The following GRM5 variants were observed in gnomAD, a reference collection of about 807,000 sequenced individuals.
The protein encoded by GRM5 is glutamate metabotropic receptor 5, also known as metabotropic glutamate receptor 5.
In GRM5, 19 loss-of-function variants were observed where a neutral mutation model predicts 83.1. The ratio of observed to expected loss-of-function variants is 0.23; its 90% CI spans 0.16 to 0.34. GRM5 has a LOEUF of 0.34. Among genes scored for constraint, GRM5 ranks in the 10% least tolerant of loss-of-function variants. The probability of loss-of-function intolerance (pLI) is 1.00; values close to 1 mark genes in which losing one functional copy is unlikely to be tolerated. For synonymous variants in GRM5, 675 were observed against 633.6 expected, an observed-to-expected ratio of 1.07 and a Z score of -0.98; for missense variants, 1,160 against 1,588.3, an observed-to-expected ratio of 0.73 and a Z score of 4.58.
At chr11:88,877,907 A>G (rs1343798388) in intron 2 of GRM5, among the ~76,000 whole-genome samples, 1 of 152,092 alleles carries the variant, frequency 6.6e-6, no homozygotes, top group African/African-American at 2.4e-5. Context: ...CTAATGCTAG[A>G]TGACGAGTTA....
chr11:88,599,989 G>T (rs1937932021), intron 5 of GRM5, among the ~76,000 whole-genome samples: 1 of 152,154 alleles, frequency 6.6e-6, no homozygotes, highest in Non-Finnish European at 1.5e-5. Context: ...CTCCAGCCTG[G>T]GTGACAGAGT....
chr11:88,631,176 T>C (rs759314102), intron 4 of GRM5, among the ~76,000 whole-genome samples: 40 of 152,166 alleles, frequency 2.6e-4, no homozygotes, highest in African/African-American at 7.0e-4. Flanking sequence ...AGCCATAAAA[T>C]TGAAATTAAA....
chr11:88,524,534 A>G (rs1941815246), intron 9 of GRM5, among the ~76,000 whole-genome samples: 1 of 152,152 alleles, frequency 6.6e-6, no homozygotes, highest in African/African-American at 2.4e-5. Flanking sequence ...CCCTTTTCTT[A>G]AAACCAAATC....
intron 3 of GRM5, among the ~76,000 whole-genome samples, chr11:88,701,890 G>T (rs931502724): frequency 2.0e-5 from 3 of 152,164 alleles, no homozygotes; most frequent in Non-Finnish European, 4.4e-5. Flanking sequence ...CTTAACTCTT[G>T]TCTGGCATAC....
chr11:88,829,500 A>G (rs1452828434), intron 3 of GRM5, among the ~76,000 whole-genome samples: 1 of 152,186 alleles, frequency 6.6e-6, no homozygotes, highest in Non-Finnish European at 1.5e-5. Flanking sequence ...ATGCTGCTAC[A>G]AAAGAAAGAT....
chr11:88,996,567 C>G (rs1940192179), intron 2 of GRM5, among the ~76,000 whole-genome samples: 1 of 152,166 alleles, frequency 6.6e-6, no homozygotes, highest in South Asian at 2.1e-4. Flanking sequence ...AGGGACAAAA[C>G]CACATTTTAG....
chr11:88,703,406 A>C (rs1438613279), intron 3 of GRM5, among the ~76,000 whole-genome samples: 1 of 152,012 alleles, frequency 6.6e-6, no homozygotes, highest in Non-Finnish European at 1.5e-5. Context: ...TAGACATCTC[A>C]TGTTACCTTA....
At chr11:88,716,530 A>G (rs2135389655) in intron 3 of GRM5, among the ~76,000 whole-genome samples, 1 of 152,064 alleles carries the variant, frequency 6.6e-6, no homozygotes, top group Middle Eastern at 3.4e-3. Context: ...TGTGTGGGTG[A>G]TTTGTATTGA....
At chr11:88,669,070 T>A (rs886077325) in intron 3 of GRM5, among the ~76,000 whole-genome samples, 7 of 152,178 alleles carry the variant, frequency 4.6e-5, no homozygotes, top group Admixed American at 2.0e-4. Context: ...GTATTTATTT[T>A]GAAGAGATAT....
chr11:88,783,378 A>C (rs571890877), intron 3 of GRM5, among the ~76,000 whole-genome samples: 1 of 152,100 alleles, frequency 6.6e-6, no homozygotes, highest in Non-Finnish European at 1.5e-5. Context: ...ATAATATTTT[A>C]TCACTCTAGA....
intron 2 of GRM5, among the ~76,000 whole-genome samples, chr11:89,003,187 C>T (rs1940436371): frequency 6.6e-6 from 1 of 152,132 alleles, no homozygotes; most frequent in Admixed American, 6.5e-5. Flanking sequence ...CAACTACATG[C>T]TACACAACCC....
intron 2 of GRM5, among the ~76,000 whole-genome samples, chr11:88,912,441 C>G (rs1173102379): frequency 6.8e-6 from 1 of 146,656 alleles, no homozygotes; most frequent in Non-Finnish European, 1.5e-5. Flanking sequence ...TGCATTTGCC[C>G]TCTATGCATT....
At chr11:88,710,417 C>T (rs907779720) in intron 3 of GRM5, among the ~76,000 whole-genome samples, 3 of 152,062 alleles carry the variant, frequency 2.0e-5, no homozygotes, top group Non-Finnish European at 4.4e-5. Flanking sequence ...CTAGGGAGAG[C>T]CCAAGAGGCA....
chr11:88,742,395 A>G (rs1422108567), intron 3 of GRM5, among the ~76,000 whole-genome samples: 1 of 152,140 alleles, frequency 6.6e-6, no homozygotes, highest in African/African-American at 2.4e-5. Context: ...TGGAAAAGGA[A>G]ACTTAAGACG....
chr11:88,710,099 C>T (rs1415459798), intron 3 of GRM5, among the ~76,000 whole-genome samples: 1 of 152,138 alleles, frequency 6.6e-6, no homozygotes, highest in African/African-American at 2.4e-5. Context: ...ATTATTGTGC[C>T]TCAGTGCAAT....
intron 8 of GRM5, among the ~76,000 whole-genome samples, chr11:88,546,893 C>T (rs1255286030): frequency 4.6e-5 from 7 of 151,972 alleles, no homozygotes; most frequent in Non-Finnish European, 1.0e-4. Context: ...GCTGAAGATA[C>T]TATGAGGAAT....
chr11:88,715,433 GAA>G (rs5793345), intron 3 of GRM5, among the ~76,000 whole-genome samples: 22 of 150,512 alleles, frequency 1.5e-4, no homozygotes, highest in South Asian at 4.2e-4. Flanking sequence ...ATTTTTTCAT[GAA>G]AAAAAAAACT....
chr11:88,948,157 T>C (rs2135674890), intron 2 of GRM5, among the ~76,000 whole-genome samples: 1 of 152,276 alleles, frequency 6.6e-6, no homozygotes, highest in East Asian at 1.9e-4. Context: ...GACCGTCCTT[T>C]TCTTAAAAGA....
chr11:88,590,526 G>A, intron 7 of GRM5, 75 bp downstream of exon 7: 1 of 1,183,976 alleles, frequency 8.4e-7, no homozygotes, highest in Non-Finnish European at 1.3e-6. Context: ...GTAACGCTTG[G>A]GGATGTGACC....
Sources: gnomAD v4.1 joint callset for allele counts (sites outside exome capture counted in the v4.1 genomes callset) on GRCh38, gnomAD v4.1.1 for gene constraint, MANE v1.5 for transcripts, NCBI Gene and HGNC (gene_info 2026-07-23, HGNC 2026-07-21) for gene names.